Variants in PLXNA2 observed in about 807,000 individuals in gnomAD.
The protein encoded by PLXNA2 is plexin-A2.
In PLXNA2, 91 loss-of-function variants were observed where a neutral mutation model predicts 193.5. That is an observed-to-expected ratio of 0.47 (90% CI 0.40 to 0.56). The LOEUF (loss-of-function observed/expected upper bound fraction) is 0.56. Ranked by LOEUF, PLXNA2 falls within the 20% of genes least tolerant of loss-of-function variation. The probability of loss-of-function intolerance (pLI) is 0.00; values close to 1 mark genes in which losing one functional copy is unlikely to be tolerated. For missense variants in PLXNA2, 1,995 were observed against 2,503.2 expected, an observed-to-expected ratio of 0.80 and a Z score of 4.33; for synonymous variants, 997 against 1,027.3, an observed-to-expected ratio of 0.97 and a Z score of 0.56.
intron 3 of PLXNA2, among the ~76,000 whole-genome samples, chr1:208,182,512 C>T (rs1002527555): frequency 6.6e-6 from 1 of 152,086 alleles, no homozygotes; most frequent in Non-Finnish European, 1.5e-5. Context: ...TTGGCAGTTC[C>T]ATAGCTACTG....
At position 208,044,407 on chromosome 1, in the gene PLXNA2, G is replaced by T; in HGVS notation, c.3874+101C>A. 1 of 804,616 alleles carries T rather than the reference G, an allele frequency of 1.2e-6. No homozygotes were observed. Among genetic ancestry groups the T allele is most frequent in the East Asian group, 2.6e-5 (1 of 38,300 alleles). The allele number at this position is 804,616 out of a possible 1,614,324, so 49.8% of individuals were successfully genotyped here. The stretch of plus-strand genomic sequence containing the variant: ...GAAAGTGGAATGCAGAGGCATGGCT[G>T]GCAGCGATGGGAGTAAAGATAGGAG... On this transcript the variant is annotated intron_variant, in intron 20 of 31. Transcript: ENST00000367033. The surrounding 1 kb of genome is among the most constrained non-coding windows in gnomAD (Gnocchi z 4.9).
intron 26 of PLXNA2, among the ~76,000 whole-genome samples, chr1:208,035,836 A>G (rs144142218): frequency 6.6e-6 from 1 of 152,178 alleles, no homozygotes; most frequent in Non-Finnish European, 1.5e-5. Flanking sequence ...TCAAACTATA[A>G]ATGAACATTA....
chr1:208,212,287 A>G (rs1670987232), intron 2 of PLXNA2, among the ~76,000 whole-genome samples: 1 of 152,090 alleles, frequency 6.6e-6, no homozygotes, highest in Non-Finnish European at 1.5e-5. Flanking sequence ...TTTTTAAACC[A>G]GGGACTTCCG....
intron 24 of PLXNA2, 121 bp downstream of exon 24, chr1:208,039,500 A>G: frequency 7.2e-7 from 1 of 1,380,488 alleles, no homozygotes; most frequent in East Asian, 2.3e-5. Flanking sequence ...CTTTGGGCTC[A>G]CCCCAGACCA....
At chr1:208,171,707 A>T (rs1435920767) in intron 3 of PLXNA2, among the ~76,000 whole-genome samples, 3 of 152,080 alleles carry the variant, frequency 2.0e-5, no homozygotes, top group Non-Finnish European at 4.4e-5. Flanking sequence ...TTTTAAAATT[A>T]GCCAGGCATG....
intron 3 of PLXNA2, among the ~76,000 whole-genome samples, chr1:208,180,561 C>T (rs900681385): frequency 1.3e-5 from 2 of 152,140 alleles, no homozygotes; most frequent in Non-Finnish European, 2.9e-5. Flanking sequence ...GTATCAGGCA[C>T]CGCGTTACAC....
At chr1:208,113,053 T>C (rs1287096048) in intron 4 of PLXNA2, among the ~76,000 whole-genome samples, 2 of 146,838 alleles carry the variant, frequency 1.4e-5, no homozygotes, top group East Asian at 2.0e-4. Context: ...GTTGTCTCCA[T>C]GACAACAGTG....
At chr1:208,185,719 G>A (rs78692477) in intron 3 of PLXNA2, among the ~76,000 whole-genome samples, 2,501 of 104,400 alleles carry the variant, frequency 0.024, 12 homozygotes, top group African/African-American at 0.047. Context: ...AAAAAAAAAA[G>A]GAAAAAAAAA....
At chr1:208,215,878 T>C (rs1013027404) in intron 2 of PLXNA2, among the ~76,000 whole-genome samples, 4 of 152,230 alleles carry the variant, frequency 2.6e-5, no homozygotes, top group African/African-American at 4.8e-5. Flanking sequence ...TTCTTGTCTC[T>C]GCTTTCCTCA....
chr1:208,176,741 G>A (rs935401098), intron 3 of PLXNA2, among the ~76,000 whole-genome samples: 1 of 152,210 alleles, frequency 6.6e-6, no homozygotes, highest in Non-Finnish European at 1.5e-5. Flanking sequence ...ATCTGATTAC[G>A]TCCCTCACTT....
At chr1:208,097,033 G>T (rs1666921465) in intron 6 of PLXNA2, 150 bp from the exon 7 acceptor site, 2 of 616,034 alleles carry the variant, frequency 3.2e-6, no homozygotes, top group East Asian at 5.6e-5. Flanking sequence ...TTCCAGCTTT[G>T]AACACTGAAG....
intron 17 of PLXNA2, among the ~76,000 whole-genome samples, chr1:208,047,680 C>T (rs1665123356): frequency 6.6e-6 from 1 of 152,248 alleles, no homozygotes; most frequent in African/African-American, 2.4e-5. Context: ...GGCAGGTCCA[C>T]ACATGTTATG....
intron 3 of PLXNA2, among the ~76,000 whole-genome samples, chr1:208,201,200 C>A (rs1463683947): frequency 6.6e-6 from 1 of 152,230 alleles, no homozygotes; most frequent in African/African-American, 2.4e-5. Flanking sequence ...GAGGTCCCCT[C>A]AGATCACATA....
At chr1:208,047,117 C>T (rs184318999) in intron 17 of PLXNA2, among the ~76,000 whole-genome samples, 3 of 152,184 alleles carry the variant, frequency 2.0e-5, no homozygotes, top group Middle Eastern at 3.4e-3. Context: ...CGTGCCACCA[C>T]GCCCAGCTAA....
At chr1:208,194,918 T>A (rs925618836) in intron 3 of PLXNA2, among the ~76,000 whole-genome samples, 1 of 152,226 alleles carries the variant, frequency 6.6e-6, no homozygotes, top group African/African-American at 2.4e-5. Context: ...GACTTGCTTG[T>A]GGGTACAGCT....
At chr1:208,230,285 C>T (rs1286478689) in intron 1 of PLXNA2, 1 of 152,222 alleles carries the variant, frequency 6.6e-6, no homozygotes, top group Non-Finnish European at 1.5e-5. Flanking sequence ...CTCCCCAGAC[C>T]CAGTCCTCTC....
chr1:208,192,867 A>G (rs975031172), intron 3 of PLXNA2, among the ~76,000 whole-genome samples: 4 of 150,226 alleles, frequency 2.7e-5, no homozygotes, highest in African/African-American at 9.8e-5. Flanking sequence ...AGCCTGGGCA[A>G]CAAGAGCAAA....
intron 3 of PLXNA2, among the ~76,000 whole-genome samples, chr1:208,170,439 C>A (rs1313902037): frequency 2.6e-5 from 4 of 152,170 alleles, no homozygotes; most frequent in Non-Finnish European, 4.4e-5. Context: ...GCGGGTGGAT[C>A]TGAACCACGG....
chr1:208,036,611 G>A (rs543931075), intron 26 of PLXNA2, among the ~76,000 whole-genome samples: 1 of 152,304 alleles, frequency 6.6e-6, no homozygotes, highest in Middle Eastern at 3.4e-3. Context: ...TGGTATTAGC[G>A]TTGCTATTAT....
Sources: gnomAD v4.1 joint callset for allele counts (sites outside exome capture counted in the v4.1 genomes callset) on GRCh38, gnomAD v4.1.1 for gene constraint, Gnocchi (gnomAD v3.1) non-coding constraint, MANE v1.5 for transcripts, NCBI Gene and HGNC (gene_info 2026-07-23, HGNC 2026-07-21) for gene names.